Variants in TYW1 observed in about 807,000 individuals in gnomAD.
TYW1 encodes tRNA-yW synthesizing protein 1 homolog, also known as S-adenosyl-L-methionine-dependent tRNA 4-demethylwyosine synthase TYW1.
A neutral mutation model predicts 96.2 loss-of-function variants in TYW1; 46 were observed. The ratio of observed to expected loss-of-function variants is 0.48; its 90% CI spans 0.38 to 0.61. TYW1 has a LOEUF of 0.61. Among genes scored for constraint, TYW1 ranks in the 20% least tolerant of loss-of-function variants. TYW1 has a pLI of 0.00. For missense variants in TYW1, 684 were observed against 909.6 expected (o/e 0.75, Z 3.19); for synonymous variants, 274 against 323.0 (o/e 0.85, Z 1.63).
intron 7 of TYW1, among the ~76,000 whole-genome samples, chr7:67,036,958 A>T (rs1167946186): frequency 1.3e-5 from 2 of 152,140 alleles, no homozygotes; most frequent in African/African-American, 4.8e-5. Flanking sequence ...CCATCCTGGG[A>T]GGGCTGCCAG....
In TYW1 at chr7:67,037,905, GTTAC is replaced by G. The variant is rs1005477415; in HGVS notation, c.985-12037_985-12034del. Among the ~76,000 whole-genome samples the G allele has an allele frequency of 5.9e-5, 9 of 152,178 alleles. No individual in the cohort carries two copies. The East Asian group carries it at 9.6e-4, about 16-fold the overall frequency. ...CATCTTTCTCTTGTTTTAGCATTTT[GTTAC>G]TTACTTCCTAATACATGTCATGTGT... On this transcript the variant is annotated intron_variant, in intron 7 of 15. Transcript: ENST00000359626.
chr7:67,187,970 C>A (rs1458439519), intron 14 of TYW1, among the ~76,000 whole-genome samples: 3 of 152,202 alleles, frequency 2.0e-5, no homozygotes, highest in South Asian at 2.1e-4. Context: ...GAAAATACAT[C>A]TTTTTGTCAT....
At chr7:67,195,463 C>A in intron 15 of TYW1, 126 bp downstream of exon 15, 1 of 1,425,096 alleles carries the variant, frequency 7.0e-7, no homozygotes, top group African/African-American at 1.5e-5. Context: ...TTTCCCAAAA[C>A]AAAAATAAGA....
At chr7:67,017,668 A>C (rs1817684077) in intron 5 of TYW1, among the ~76,000 whole-genome samples, 185 bp from the exon 6 acceptor site, 1 of 152,148 alleles carries the variant, frequency 6.6e-6, no homozygotes, top group Non-Finnish European at 1.5e-5. Flanking sequence ...GAATACATAA[A>C]ATGACCCTCT....
At chr7:67,184,352 G>A (rs1799933496) in intron 14 of TYW1, among the ~76,000 whole-genome samples, 2 of 152,048 alleles carry the variant, frequency 1.3e-5, no homozygotes, top group Admixed American at 1.3e-4. Context: ...ATCAAGAGAA[G>A]ATTGATTAAA....
At chr7:67,112,384 G>C (rs1173973289) in intron 12 of TYW1, among the ~76,000 whole-genome samples, 1 of 152,086 alleles carries the variant, frequency 6.6e-6, no homozygotes, top group Non-Finnish European at 1.5e-5. Context: ...CGGAGGCCGA[G>C]GCAGGCAGAT....
intron 2 of TYW1, among the ~76,000 whole-genome samples, 185 bp from the exon 3 acceptor site, chr7:66,998,632 A>G (rs1468144189): frequency 1.3e-5 from 2 of 152,224 alleles, no homozygotes; most frequent in Non-Finnish European, 2.9e-5. Flanking sequence ...CCTGCCTATT[A>G]AAGGACCTTA....
chr7:67,078,689 TTTTTTTCTTTC>T (rs1796285581), intron 10 of TYW1, among the ~76,000 whole-genome samples: 1 of 152,136 alleles, frequency 6.6e-6, no homozygotes, highest in Non-Finnish European at 1.5e-5. Context: ...GAAATTTTCT[TTTTTTTCTTTC>T]TTTTTTCTTT....
Position 67,113,631 on chromosome 7 carries a change from TTTTCTTTTTC to T in TYW1, c.1563-3842_1563-3833del, listed in dbSNP as rs1797497109. Among the ~76,000 whole-genome samples, 22 of 144,634 alleles carry T rather than the reference TTTTCTTTTTC, an allele frequency of 1.5e-4. 1 individual carries two copies. The South Asian group carries it at 4.9e-3, about 32-fold the overall frequency. 94.9% of individuals were successfully genotyped at this position (144,634 alleles called of 152,430 possible). ...GTTTTTCTTTTCTTTCTTTCTTTCT[TTTTCTTTTTC>T]TTTCTTTTTTTTTTTGATGTGGAGT... On this transcript the variant is annotated intron_variant, in intron 12 of 15. Transcript: ENST00000359626.
intron 7 of TYW1, among the ~76,000 whole-genome samples, chr7:67,047,783 ATTTTT>A (rs36007120): frequency 2.5e-5 from 2 of 79,872 alleles, no homozygotes; most frequent in Non-Finnish European, 4.7e-5. Context: ...GTGAGTGTCA[ATTTTT>A]TTTTTTTTTT....
intron 7 of TYW1, among the ~76,000 whole-genome samples, chr7:67,039,144 C>T (rs897953064): frequency 1.3e-5 from 2 of 151,950 alleles, no homozygotes; most frequent in South Asian, 2.1e-4. Flanking sequence ...TTTTGAAGCC[C>T]GGGAAGAGGA....
chr7:67,068,052 G>A (rs546315143), intron 10 of TYW1, among the ~76,000 whole-genome samples: 4 of 143,630 alleles, frequency 2.8e-5, no homozygotes, highest in Admixed American at 7.2e-5. Flanking sequence ...ATGGAGTTTC[G>A]CTCTTGTTGC....
At chr7:67,019,647 A>G (rs1280888180) in intron 6 of TYW1, among the ~76,000 whole-genome samples, 3 of 151,954 alleles carry the variant, frequency 2.0e-5, no homozygotes, top group Admixed American at 6.6e-5. Flanking sequence ...ATATATAAAT[A>G]TAATTTAAAG....
chr7:67,029,002 C>CT (rs752751448), intron 7 of TYW1, among the ~76,000 whole-genome samples: 16,229 of 144,582 alleles, frequency 0.11, 926 homozygotes, highest in Middle Eastern at 0.15. Context: ...CTGATATGGA[C>CT]TTTTTTTTTT....
At chr7:67,026,073 T>C (rs1328446287) in intron 7 of TYW1, among the ~76,000 whole-genome samples, 2 of 152,122 alleles carry the variant, frequency 1.3e-5, no homozygotes, top group Admixed American at 6.6e-5. Flanking sequence ...TATCGATTAA[T>C]TTATTTTTTA....
chr7:67,183,929 G>A (rs1289130351), intron 14 of TYW1, among the ~76,000 whole-genome samples: 1 of 152,072 alleles, frequency 6.6e-6, no homozygotes, highest in Non-Finnish European at 1.5e-5. Flanking sequence ...TTGGGTTCCA[G>A]TAGTCCTCCT....
intron 13 of TYW1, among the ~76,000 whole-genome samples, chr7:67,132,783 A>G (rs1171674295): frequency 6.6e-6 from 1 of 152,070 alleles, no homozygotes; most frequent in South Asian, 2.1e-4. Context: ...ACATATTCAT[A>G]TTGTTATATT....
chr7:67,220,498 T>A (rs1801355024), intron 15 of TYW1, among the ~76,000 whole-genome samples: 1 of 151,804 alleles, frequency 6.6e-6, no homozygotes, highest in Admixed American at 6.6e-5. Flanking sequence ...CCACCACGCC[T>A]GGCCTCATTT....
chr7:67,183,820 T>C (rs1799916928), intron 14 of TYW1, among the ~76,000 whole-genome samples: 1 of 112,878 alleles, frequency 8.9e-6, no homozygotes, highest in African/African-American at 2.7e-5. Context: ...CTTTATTTCA[T>C]ATTTTATTTT....
Sources: gnomAD v4.1 joint callset for allele counts (sites outside exome capture counted in the v4.1 genomes callset) on GRCh38, gnomAD v4.1.1 for gene constraint, MANE v1.5 for transcripts, NCBI Gene and HGNC (gene_info 2026-07-23, HGNC 2026-07-21) for gene names.